Variants in ASIC2 observed in about 807,000 individuals in gnomAD.
ASIC2 encodes acid sensing ion channel subunit 2.
A neutral mutation model predicts 57.3 loss-of-function variants in ASIC2; 25 were observed. That is an observed-to-expected ratio of 0.44 (90% CI 0.32 to 0.61). The LOEUF (loss-of-function observed/expected upper bound fraction) is 0.61, where lower values mean the gene tolerates loss of function less well. Ranked by LOEUF, ASIC2 falls within the 20% of genes least tolerant of loss-of-function variation. ASIC2 has a pLI of 0.06. For missense variants in ASIC2, 641 were observed against 738.1 expected (o/e 0.87, Z 1.52); for synonymous variants, 319 against 307.5 (o/e 1.04, Z -0.39).
chr17:33,394,004 T>C (rs762382448), intron 1 of ASIC2, among the ~76,000 whole-genome samples: 7 of 152,238 alleles, frequency 4.6e-5, no homozygotes. Context: ...GGATTAAATA[T>C]GGAATCTATT....
intron 1 of ASIC2, among the ~76,000 whole-genome samples, chr17:33,777,733 G>A (rs1911327971): frequency 6.6e-6 from 1 of 152,156 alleles, no homozygotes; most frequent in Non-Finnish European, 1.5e-5. Context: ...CTGGAAAAAA[G>A]ATTACCTGAT....
chr17:33,463,471 A>G (rs1912709062), intron 1 of ASIC2, among the ~76,000 whole-genome samples: 2 of 152,306 alleles, frequency 1.3e-5, no homozygotes, highest in African/African-American at 4.8e-5. Flanking sequence ...GGACTTCACT[A>G]CCCTCCAATA....
chr17:33,175,915 C>CTGT (rs1341867718), intron 1 of ASIC2, among the ~76,000 whole-genome samples: 2 of 152,326 alleles, frequency 1.3e-5, no homozygotes, highest in East Asian at 3.9e-4. Flanking sequence ...TCCCTCCCCA[C>CTGT]TGTTCTCTGT....
At position 33,436,853 on chromosome 17, in the gene ASIC2, C is replaced by CTTT. The variant is rs71144877; in HGVS notation, c.556-324789_556-324787dup. On this transcript the variant is annotated intron_variant, in intron 1 of 9. Coordinates refer to the ASIC2 transcript ENST00000359872. ...AATGCCTTAAAACACATTCCAACTT[C>CTTT]TTTTTTTTTTTTTTTTTTTTTTTTT... is the stretch of plus-strand genomic sequence containing the variant. Among the ~76,000 whole-genome samples, 130 of 66,562 alleles carry CTTT rather than the reference C, an allele frequency of 2.0e-3. 3 individuals carry two copies. Among genetic ancestry groups the CTTT allele is most frequent in the Non-Finnish European group, 2.2e-3 (72 of 32,868 alleles). The allele number at this position is 66,562 out of a possible 152,430, so 43.7% of individuals were successfully genotyped here. A position where few individuals can be genotyped will look rare whatever the true frequency, so the allele number is the denominator to read the frequency against.
At chr17:33,879,733 T>C (rs1425805259) in intron 1 of ASIC2, among the ~76,000 whole-genome samples, 2 of 152,128 alleles carry the variant, frequency 1.3e-5, no homozygotes, top group African/African-American at 2.4e-5. Context: ...AGGAATTGAA[T>C]TCAGCTCCGC....
At chr17:33,630,178 G>T (rs943761480) in intron 1 of ASIC2, among the ~76,000 whole-genome samples, 35 of 152,150 alleles carry the variant, frequency 2.3e-4, no homozygotes, top group African/African-American at 8.2e-4. Flanking sequence ...TCATCTGTAA[G>T]AACTTTGGGA....
intron 1 of ASIC2, among the ~76,000 whole-genome samples, chr17:33,870,501 G>C (rs1380377636): frequency 6.6e-6 from 1 of 151,962 alleles, no homozygotes; most frequent in African/African-American, 2.4e-5. Context: ...AGGTCATGGT[G>C]GTGGGTTGAA....
chr17:33,049,889 C>T (rs575140288), intron 3 of ASIC2, among the ~76,000 whole-genome samples: 1 of 152,226 alleles, frequency 6.6e-6, no homozygotes, highest in East Asian at 1.9e-4. Context: ...GGAATTATGG[C>T]AAGGTGGGTG....
At chr17:33,086,540 G>A (rs1433172538) in intron 3 of ASIC2, among the ~76,000 whole-genome samples, 1 of 152,162 alleles carries the variant, frequency 6.6e-6, no homozygotes, top group Admixed American at 6.5e-5. Context: ...AGAAGGGAGT[G>A]CTGACCGATT....
chr17:33,867,976 C>A (rs542043051), intron 1 of ASIC2, among the ~76,000 whole-genome samples: 52 of 152,306 alleles, frequency 3.4e-4, no homozygotes, highest in African/African-American at 1.2e-3. Flanking sequence ...AAAATTCAGA[C>A]TTGAATTCAC....
At chr17:34,028,125 A>G (rs760790664) in intron 1 of ASIC2, among the ~76,000 whole-genome samples, 2 of 152,178 alleles carry the variant, frequency 1.3e-5, no homozygotes, top group Non-Finnish European at 1.5e-5. Context: ...GTGTACCTGT[A>G]GATGTTATCT....
intron 1 of ASIC2, among the ~76,000 whole-genome samples, chr17:33,371,279 T>C (rs1909049061): frequency 6.6e-6 from 1 of 152,200 alleles, no homozygotes; most frequent in South Asian, 2.1e-4. Flanking sequence ...GCTGGGAATG[T>C]AGCCCAGCAA....
chr17:33,243,929 C>A (rs995424836), intron 1 of ASIC2, among the ~76,000 whole-genome samples: 12 of 152,144 alleles, frequency 7.9e-5, no homozygotes, highest in Non-Finnish European at 1.6e-4. Flanking sequence ...GGCTGTGTGA[C>A]CTTGGGCAAG....
At chr17:33,601,597 T>G (rs1265854684) in intron 1 of ASIC2, among the ~76,000 whole-genome samples, 5 of 152,204 alleles carry the variant, frequency 3.3e-5, no homozygotes, top group Admixed American at 3.3e-4. Context: ...TTGGAGAGCT[T>G]GGGAGCCCAG....
chr17:33,550,170 T>A (rs538511949), intron 1 of ASIC2, among the ~76,000 whole-genome samples: 1 of 152,312 alleles, frequency 6.6e-6, no homozygotes, highest in East Asian at 1.9e-4. Context: ...GAGGTCCAGA[T>A]AGTAATAAAG....
At chr17:33,196,398 C>T (rs770176542) in intron 1 of ASIC2, among the ~76,000 whole-genome samples, 1 of 152,148 alleles carries the variant, frequency 6.6e-6, no homozygotes, top group Non-Finnish European at 1.5e-5. Context: ...GCTCCAGCCT[C>T]CTTCGGCCAC....
rs886623988 is a variant in ASIC2, at chr17:34,156,187, G to A, written c.346C>T (p.Leu116=). 3.1e-6 allele frequency: 5 copies of A among 1,614,120 alleles called. No individual in the cohort carries two copies. Among genetic ancestry groups the A allele is most frequent in the Admixed American group, 1.7e-5 (1 of 60,020 alleles). Residue 116 remains leucine (L), a synonymous_variant, in exon 1 of 10, where the codon CTG becomes TTG. Coordinates refer to the ASIC2 transcript ENST00000359872. The surrounding 1 kb of genome is among the most constrained non-coding windows in gnomAD (Gnocchi z 4.4). ...GGGATCTGCAGGTTGACATCCAGCA[G>A]GGCCAGCAGCTCCCCAGCATGGTAC...
intron 1 of ASIC2, among the ~76,000 whole-genome samples, chr17:34,129,154 T>C (rs1911879473): frequency 6.6e-6 from 1 of 152,144 alleles, no homozygotes; most frequent in African/African-American, 2.4e-5. Flanking sequence ...TAAATACCTA[T>C]TACACGTCAA....
chr17:33,712,635 GCTTTTTTTTT>G, intron 1 of ASIC2, among the ~76,000 whole-genome samples: 1 of 123,326 alleles, frequency 8.1e-6, no homozygotes, highest in African/African-American at 3.2e-5. Context: ...TACTCATATG[GCTTTTTTTTT>G]TTTTTTTTTT....
Sources: allele counts gnomAD v4.1 joint callset (sites outside exome capture counted in the v4.1 genomes callset), GRCh38; gene constraint gnomAD v4.1.1; non-coding constraint Gnocchi (gnomAD v3.1); transcripts MANE v1.5; gene names NCBI Gene and HGNC (gene_info 2026-07-23, HGNC 2026-07-21).